FXN: variants seen among roughly 807,000 people sequenced by gnomAD.
FXN encodes the protein frataxin.
Under a neutral mutation model 22.4 loss-of-function variants are expected in FXN, and 14 were observed. The observed-to-expected ratio is 0.62, with a 90% CI of 0.41 to 0.98. The LOEUF (loss-of-function observed/expected upper bound fraction) is 0.98. FXN is among the 50% of genes least tolerant of loss of function. FXN has a pLI of 0.00. For synonymous variants in FXN, 120 were observed against 114.1 expected, an observed-to-expected ratio of 1.05 and a Z score of -0.33; for missense variants, 267 against 268.4, an observed-to-expected ratio of 0.99 and a Z score of 0.04.
At chr9:69,036,213 C>A (rs940724006) in intron 1 of FXN, 30 of 244,192 alleles carry the variant, frequency 1.2e-4, no homozygotes, top group African/African-American at 6.5e-4. Flanking sequence ...AAGGCACGGG[C>A]GAAGGCAGGG....
At chr9:69,067,296 G>C (rs1832185339) in intron 4 of FXN, among the ~76,000 whole-genome samples, 1 of 152,260 alleles carries the variant, frequency 6.6e-6, no homozygotes, top group East Asian at 1.9e-4. Context: ...TTCTGCGCCT[G>C]TCTTCTTGGA....
In FXN at chr9:69,077,321, A is replaced by T. The variant is rs563298308; in HGVS notation, c.*4559A>T. On this transcript the variant is annotated 3_prime_UTR_variant, in exon 5 of 5. Transcript: ENST00000484259. ...GGAATGTGTAAAACTCAGCTCACTT[A>T]TATCCCTGCATCCGCTACAGAGACA... is the stretch of plus-strand genomic sequence containing the variant. 14 of 985,296 alleles carry T rather than the reference A, an allele frequency of 1.4e-5. No individual in the cohort carries two copies. Among genetic ancestry groups the T allele is most frequent in the Non-Finnish European group, 1.4e-5 (12 of 829,926 alleles). 61.0% of individuals were successfully genotyped at this position (985,296 alleles called of 1,614,324 possible). A position where few individuals can be genotyped will look rare whatever the true frequency, so the allele number is the denominator to read the frequency against.
intron 3 of FXN, among the ~76,000 whole-genome samples, chr9:69,057,056 C>T (rs1199423769): frequency 6.6e-6 from 1 of 152,094 alleles, no homozygotes; most frequent in Non-Finnish European, 1.5e-5. Flanking sequence ...AGGCATGAGC[C>T]ACCATGCATG....
chr9:69,040,014 G>A (rs1284963432), intron 1 of FXN, among the ~76,000 whole-genome samples: 2 of 152,054 alleles, frequency 1.3e-5, no homozygotes, highest in African/African-American at 2.4e-5. Context: ...TCTATGAATG[G>A]ATTAATCCAT....
intron 1 of FXN, among the ~76,000 whole-genome samples, chr9:69,037,480 TAAATAA>T (rs888438518): frequency 1.3e-5 from 2 of 149,870 alleles, no homozygotes; most frequent in African/African-American, 4.9e-5. Context: ...ATAATAATAA[TAAATAA>T]AAATAAAAAA....
intron 3 of FXN, among the ~76,000 whole-genome samples, chr9:69,056,755 CT>C (rs1831966180): frequency 8.0e-6 from 1 of 124,938 alleles, no homozygotes. Flanking sequence ...TTTTTTTTTT[CT>C]TTTTGAGATG....
In FXN at chr9:69,064,889, T is replaced by C. The variant is rs371861796; in HGVS notation, c.385-49T>C. The C allele has an allele frequency of 3.0e-5, 36 of 1,204,910 alleles. No individual in the cohort carries two copies. The African/African-American group carries it at 4.9e-4, about 16-fold the overall frequency. The allele number at this position is 1,204,910 out of a possible 1,614,324, so 74.6% of individuals were successfully genotyped here. On this transcript the variant is annotated intron_variant, in intron 3 of 4. Coordinates refer to ENST00000484259, the MANE Select transcript of FXN (RefSeq NM_000144.5). ...GAAGCAATGATGACAAAGTGCTAACTTTTTCTTGTTTTAATTTCTTTATGC... is the reference window on the plus strand; with the variant it reads ...GAAGCAATGATGACAAAGTGCTAACCTTTTCTTGTTTTAATTTCTTTATGC...
intron 2 of FXN, among the ~76,000 whole-genome samples, chr9:69,049,134 A>G (rs1463108468): frequency 6.6e-6 from 1 of 152,136 alleles, no homozygotes; most frequent in Non-Finnish European, 1.5e-5. Flanking sequence ...TGCCATGTGT[A>G]GGAAGACAGC....
Position 69,035,841 on chromosome 9 carries a change from A to C in FXN, c.59A>C (p.Gln20Pro). The C allele has an allele frequency of 2.0e-6, 3 of 1,510,428 alleles. No homozygotes were observed. Among genetic ancestry groups the C allele is most frequent in the Non-Finnish European group, 2.6e-6 (3 of 1,136,240 alleles). The allele number at this position is 1,510,428 out of a possible 1,614,324, so 93.6% of individuals were successfully genotyped here. ...AGLLASPSPAQAQTLTRVPRP... is the reference protein window; with the variant it reads ...AGLLASPSPAPAQTLTRVPRP... ...CTCCTGGCGTCACCCAGCCCAGCCCAGGCCCAGACCCTCACCCGGGTCCCG... is the reference window on the plus strand; with the variant it reads ...CTCCTGGCGTCACCCAGCCCAGCCCCGGCCCAGACCCTCACCCGGGTCCCG... Residue 20 changes from glutamine to proline, a missense_variant, in exon 1 of 5, where the codon CAG becomes CCG. Coordinates refer to ENST00000484259, the MANE Select transcript of FXN (RefSeq NM_000144.5).
chr9:69,048,237 G>A (rs1831794378), intron 2 of FXN, among the ~76,000 whole-genome samples: 1 of 152,210 alleles, frequency 6.6e-6, no homozygotes, highest in Admixed American at 6.5e-5. Context: ...GACCAGCAAT[G>A]CCCTCAGCCT....
In FXN at chr9:69,073,807, CAAAG is replaced by C. The variant is rs1564341622; in HGVS notation, c.*1048_*1051del. 2 of 985,196 alleles carry C rather than the reference CAAAG, an allele frequency of 2.0e-6. No homozygotes were observed. The highest frequency in any genetic ancestry group is 2.4e-6 in the Non-Finnish European group (2 of 829,892). The allele number at this position is 985,196 out of a possible 1,614,324, so 61.0% of individuals were successfully genotyped here. ...CCCTATTGGGTAGATGAGGGGATGA[CAAAG>C]AACAGTTTTTAAGCTATATAGGAAA... On this transcript the variant is annotated 3_prime_UTR_variant, in exon 5 of 5. Coordinates refer to ENST00000484259, the MANE Select transcript of FXN (RefSeq NM_000144.5).
intron 3 of FXN, among the ~76,000 whole-genome samples, chr9:69,054,191 G>T (rs1440930259): frequency 6.6e-6 from 1 of 152,050 alleles, no homozygotes; most frequent in Non-Finnish European, 1.5e-5. Context: ...GTAAAGACGG[G>T]GTTTCACCAT....
At chr9:69,068,027 T>C (rs187645943) in intron 4 of FXN, among the ~76,000 whole-genome samples, 5 of 150,198 alleles carry the variant, frequency 3.3e-5, no homozygotes, top group Admixed American at 6.7e-5. Context: ...CACAGTCCCA[T>C]CTTCAAGGAG....
intron 4 of FXN, chr9:69,071,168 G>C: frequency 1.9e-6 from 1 of 519,024 alleles, no homozygotes; most frequent in South Asian, 1.4e-5. Flanking sequence ...GGCTCTGCCT[G>C]GCAACCCGAT....
chr9:69,066,625 G>A (rs1189837153), intron 4 of FXN, among the ~76,000 whole-genome samples: 1 of 152,056 alleles, frequency 6.6e-6, no homozygotes, highest in East Asian at 1.9e-4. Flanking sequence ...CTTCATCTCC[G>A]GGGGAACGAA....
In FXN at chr9:69,073,861, G is replaced by A. The variant is rs17060788; in HGVS notation, c.*1099G>A. ...ACATTGTTATTGGTGTTGCCCTATCGTGATTTCAGTTGAATTCATGTGAAA... is the reference window on the plus strand; with the variant it reads ...ACATTGTTATTGGTGTTGCCCTATCATGATTTCAGTTGAATTCATGTGAAA... On this transcript the variant is annotated 3_prime_UTR_variant, in exon 5 of 5. Transcript: ENST00000484259. The A allele has an allele frequency of 0.054, 52,989 of 985,066 alleles. 1,792 individuals are homozygous for A. The highest frequency in any genetic ancestry group is 0.15 in the African/African-American group (8,614 of 57,286). 61.0% of individuals were successfully genotyped at this position (985,066 alleles called of 1,614,324 possible).
At chr9:69,046,281 C>A in intron 1 of FXN, 104 bp from the exon 2 acceptor site, 1 of 829,228 alleles carries the variant, frequency 1.2e-6, no homozygotes, top group Non-Finnish European at 2.0e-6. Flanking sequence ...ATGGAGCACT[C>A]GGTTACAGGC....
At position 69,073,406 on chromosome 9, in the gene FXN, GTATA is replaced by G. The variant is rs777010211; in HGVS notation, c.*650_*653del. 3.9e-5 allele frequency: 38 copies of G among 985,256 alleles called. No individual in the cohort carries two copies. The highest frequency in any genetic ancestry group is 4.6e-5 in the Non-Finnish European group (38 of 830,002). 61.0% of individuals were successfully genotyped at this position (985,256 alleles called of 1,614,324 possible). ...CACATATTCACATACGTGTCTGTGT[GTATA>G]TATATTTTTTCAATTTAAAGGTTAG... On this transcript the variant is annotated 3_prime_UTR_variant, in exon 5 of 5. Transcript: ENST00000484259.
At chr9:69,066,964 C>A (rs1211260029) in intron 4 of FXN, among the ~76,000 whole-genome samples, 1 of 152,312 alleles carries the variant, frequency 6.6e-6, no homozygotes, top group East Asian at 1.9e-4. Flanking sequence ...AGACCACAGG[C>A]TCCCCGGTCC....
Sources: gnomAD v4.1 joint callset for allele counts (sites outside exome capture counted in the v4.1 genomes callset) on GRCh38, gnomAD v4.1.1 for gene constraint, MANE v1.5 for transcripts, NCBI Gene and HGNC (gene_info 2026-07-23, HGNC 2026-07-21) for gene names.